The following TBCE variants were observed in gnomAD, a reference collection of about 807,000 sequenced individuals.
TBCE encodes the protein tubulin folding cofactor E.
Under a neutral mutation model 77.0 loss-of-function variants are expected in TBCE, and 53 were observed. The ratio of observed to expected loss-of-function variants is 0.69; its 90% CI spans 0.55 to 0.87. The LOEUF (loss-of-function observed/expected upper bound fraction) is 0.87. Among genes scored for constraint, TBCE ranks in the 40% least tolerant of loss-of-function variants. TBCE has a pLI of 0.00. For synonymous variants in TBCE, 235 were observed against 241.3 expected (o/e 0.97, Z 0.24); for missense variants, 624 against 622.4 (o/e 1.00, Z -0.03).
rs746868782 is a variant in TBCE, at chr1:235,448,661, T to TA, written c.1492-7dup. 6 of 1,611,744 alleles carry TA rather than the reference T, an allele frequency of 3.7e-6. No individual in the cohort carries two copies. In the South Asian group the frequency reaches 6.6e-5, roughly 18 times the overall value. On this transcript the variant is annotated splice_polypyrimidine_tract_variant and intron_variant, in intron 16 of 16. Transcript: ENST00000642610. ...ATCACATCCTTCCCCACCTTCGTTCTAATTTTAGAAGCCGGGCAGAGAAAT... is the reference window on the plus strand; with the variant it reads ...ATCACATCCTTCCCCACCTTCGTTCTAAATTTTAGAAGCCGGGCAGAGAAAT...
At chr1:235,442,603 T>A (rs534021322) in intron 14 of TBCE, among the ~76,000 whole-genome samples, 32 of 152,354 alleles carry the variant, frequency 2.1e-4, no homozygotes, top group African/African-American at 7.0e-4. Flanking sequence ...TGTGAATTTA[T>A]GACTTGAAAA....
At chr1:235,411,968 A>G (rs1679804111) in intron 3 of TBCE, among the ~76,000 whole-genome samples, 1 of 151,522 alleles carries the variant, frequency 6.6e-6, no homozygotes, top group African/African-American at 2.4e-5. Context: ...CTCGTAGGAA[A>G]GGTTATGTTC....
intron 11 of TBCE, among the ~76,000 whole-genome samples, chr1:235,436,956 T>TAA (rs758098766): frequency 2.6e-4 from 34 of 131,304 alleles, no homozygotes; most frequent in African/African-American, 8.4e-4. Flanking sequence ...CCATCTCTAC[T>TAA]AAAAAAAAAA....
At chr1:235,370,387 T>G (rs567788743) in intron 1 of TBCE, among the ~76,000 whole-genome samples, 59 of 151,246 alleles carry the variant, frequency 3.9e-4, no homozygotes, top group Non-Finnish European at 5.8e-4. Context: ...CAACTAGCTG[T>G]GATTACAGGC....
chr1:235,376,728 C>A (rs1677319845), intron 1 of TBCE, among the ~76,000 whole-genome samples: 2 of 152,136 alleles, frequency 1.3e-5, no homozygotes, highest in South Asian at 4.1e-4. Flanking sequence ...GTAATCCCAG[C>A]ACTTGGAGGC....
intron 2 of TBCE, among the ~76,000 whole-genome samples, chr1:235,386,579 A>G (rs1489619630): frequency 6.6e-6 from 1 of 152,120 alleles, no homozygotes; most frequent in Non-Finnish European, 1.5e-5. Flanking sequence ...CCTTTCTTCC[A>G]GTTGATTGCA....
intron 2 of TBCE, among the ~76,000 whole-genome samples, chr1:235,396,951 A>ATTAT (rs1553333546): frequency 2.3e-5 from 3 of 128,304 alleles, no homozygotes; most frequent in African/African-American, 3.3e-5. Context: ...CACTTTGTTG[A>ATTAT]TTGTTTATTT....
chr1:235,406,029 T>G (rs1310162215), intron 3 of TBCE, among the ~76,000 whole-genome samples: 2 of 152,232 alleles, frequency 1.3e-5, no homozygotes, highest in Non-Finnish European at 2.9e-5. Context: ...TCTAGTGTTG[T>G]GTTGTCATGC....
At chr1:235,380,911 G>A (rs1009231020) in intron 2 of TBCE, among the ~76,000 whole-genome samples, 9 of 151,984 alleles carry the variant, frequency 5.9e-5, no homozygotes, top group African/African-American at 1.5e-4. Flanking sequence ...TCAGTCTCTC[G>A]AGTAGCTGGG....
intron 3 of TBCE, among the ~76,000 whole-genome samples, chr1:235,410,054 CAG>C (rs781760007): frequency 6.9e-6 from 1 of 144,154 alleles, no homozygotes; most frequent in Non-Finnish European, 1.5e-5. Flanking sequence ...ACAAAAAAAA[CAG>C]AAACAAAAAT....
chr1:235,446,357 A>G (rs1271685839), intron 15 of TBCE, among the ~76,000 whole-genome samples: 3 of 151,974 alleles, frequency 2.0e-5, no homozygotes, highest in Non-Finnish European at 4.4e-5. Flanking sequence ...TTGTATTTTT[A>G]GTAGAGACGG....
intron 2 of TBCE, among the ~76,000 whole-genome samples, chr1:235,391,177 G>A (rs879311526): frequency 1.3e-5 from 2 of 152,010 alleles, no homozygotes; most frequent in African/African-American, 2.4e-5. Context: ...AAAAAGAAAA[G>A]GTTTCAAAAA....
chr1:235,423,934 C>T (rs1454163708), intron 5 of TBCE, among the ~76,000 whole-genome samples: 4 of 152,168 alleles, frequency 2.6e-5, no homozygotes, highest in Admixed American at 6.6e-5. Context: ...TCTTCTCTGC[C>T]GTCCTTCCCT....
In TBCE at chr1:235,381,105, G is replaced by T. The variant is rs540057210; in HGVS notation, c.100+956G>T. ...AATAAGGAGGCTTTCTATGAACTGGGCAACTGCTGGAACCAAGCTGATATG... is the reference window on the plus strand; with the variant it reads ...AATAAGGAGGCTTTCTATGAACTGGTCAACTGCTGGAACCAAGCTGATATG... On this transcript the variant is annotated intron_variant, in intron 2 of 16. Transcript: ENST00000642610. Among the ~76,000 whole-genome samples the T allele has an allele frequency of 2.6e-5, 4 of 152,166 alleles. No homozygotes were observed. In the East Asian group the frequency reaches 7.7e-4, roughly 29 times the overall value.
rs925000986 is a variant in TBCE, at chr1:235,367,465, A to C, written c.-71A>C. 2.6e-5 allele frequency: 4 copies of C among 152,786 alleles called. No individual in the cohort carries two copies. Among genetic ancestry groups the C allele is most frequent in the African/African-American group, 9.6e-5 (4 of 41,452 alleles). 9.5% of individuals were successfully genotyped at this position (152,786 alleles called of 1,614,324 possible). A position where few individuals can be genotyped will look rare whatever the true frequency, so the allele number is the denominator to read the frequency against. On this transcript the variant is annotated 5_prime_UTR_variant, in exon 1 of 17. Transcript: ENST00000642610. ...GCTTCGCTGCTGGGCAGTTGGCTGGAGGGGCTGCTGCTGGGAACACCTGGA... is the reference window on the plus strand; with the variant it reads ...GCTTCGCTGCTGGGCAGTTGGCTGGCGGGGCTGCTGCTGGGAACACCTGGA...
rs1274690231 is a variant in TBCE at position 235,434,414 on chromosome 1, A to G, written c.737+134A>G. 39 of 781,148 alleles carry G rather than the reference A, an allele frequency of 5.0e-5. 1 individual carries two copies. In the South Asian group the frequency reaches 5.7e-4, roughly 11 times the overall value. The allele number at this position is 781,148 out of a possible 1,614,324, so 48.4% of individuals were successfully genotyped here. A position where few individuals can be genotyped will look rare whatever the true frequency, so the allele number is the denominator to read the frequency against. ...GAATTAGGAAAAATGCTTATTATTC[A>G]TTGCCTTCACAAATTAGAATTTCAC... is the stretch of plus-strand genomic sequence containing the variant. On this transcript the variant is annotated intron_variant, in intron 8 of 16. Transcript: ENST00000642610.
chr1:235,386,430 G>A (rs2102825694), intron 2 of TBCE, among the ~76,000 whole-genome samples: 1 of 152,260 alleles, frequency 6.6e-6, no homozygotes, highest in South Asian at 2.1e-4. Flanking sequence ...TCACTTTCAG[G>A]TACACCAATC....
intron 1 of TBCE, among the ~76,000 whole-genome samples, chr1:235,369,359 T>A (rs989565691): frequency 2.1e-5 from 3 of 145,454 alleles, no homozygotes; most frequent in Non-Finnish European, 4.5e-5. Context: ...ATACAAAAAT[T>A]AGCCGGGCGT....
rs550978933 is a variant in TBCE at position 235,380,867 on chromosome 1, C to T, written c.100+718C>T. Among the ~76,000 whole-genome samples the T allele has an allele frequency of 7.9e-5, 12 of 152,198 alleles. No homozygotes were observed. In the South Asian group the frequency reaches 1.7e-3, roughly 21 times the overall value. ...GTGGTGCGATGTTGGCTCACCGCAA[C>T]CTCTGCCTCCTGGGTTCAAGCGATT... On this transcript the variant is annotated intron_variant, in intron 2 of 16. Coordinates refer to ENST00000642610, the MANE Select transcript of TBCE (RefSeq NM_003193.5).
Sources: gnomAD v4.1 joint callset for allele counts (sites outside exome capture counted in the v4.1 genomes callset) on GRCh38, gnomAD v4.1.1 for gene constraint, MANE v1.5 for transcripts, NCBI Gene and HGNC (gene_info 2026-07-23, HGNC 2026-07-21) for gene names.